The following DNER variants were observed in gnomAD, a reference collection of about 807,000 sequenced individuals.
The protein encoded by DNER is delta/notch like EGF repeat containing, also known as delta and Notch-like epidermal growth factor-related receptor.
In DNER, 33 loss-of-function variants were observed where a neutral mutation model predicts 78.2. The ratio of observed to expected loss-of-function variants is 0.42; its 90% CI spans 0.32 to 0.56. The LOEUF is 0.56. DNER is among the 20% of genes least tolerant of loss of function. The pLI is 0.11. For synonymous variants in DNER, 417 were observed against 384.8 expected (o/e 1.08, Z -0.98); for missense variants, 918 against 975.3 (o/e 0.94, Z 0.78).
chr2:229,538,890 C>T (rs1696462791), intron 5 of DNER, among the ~76,000 whole-genome samples: 1 of 152,166 alleles, frequency 6.6e-6, no homozygotes, highest in South Asian at 2.1e-4. Flanking sequence ...TGTAATAACA[C>T]TTGCCACTGG....
rs1695654707 is a variant in DNER at position 229,503,090 on chromosome 2, A to G, written c.1147+9693T>C. Among the ~76,000 whole-genome samples the G allele has an allele frequency of 2.6e-5, 4 of 152,180 alleles. 1 individual carries two copies. The South Asian group carries it at 8.3e-4, about 32-fold the overall frequency. ...CAATGGTCCTTGTACTAGGGCCACA[A>G]CTGCAAGTACTGGAAGCAGGGATGA... On this transcript the variant is annotated intron_variant, in intron 6 of 12. Coordinates refer to ENST00000341772, the MANE Select transcript of DNER (RefSeq NM_139072.4).
At chr2:229,676,258 G>T (rs573337520) in intron 1 of DNER, among the ~76,000 whole-genome samples, 1 of 152,342 alleles carries the variant, frequency 6.6e-6, no homozygotes, top group African/African-American at 2.4e-5. Context: ...TTGAGCGGCA[G>T]ATGGTGAAGA....
At chr2:229,655,360 A>G (rs1295789760) in intron 1 of DNER, among the ~76,000 whole-genome samples, 1 of 152,232 alleles carries the variant, frequency 6.6e-6, no homozygotes, top group Non-Finnish European at 1.5e-5. Flanking sequence ...ATGATAACTA[A>G]GACCAGAAAA....
At chr2:229,552,829 T>C (rs1696774582) in intron 4 of DNER, among the ~76,000 whole-genome samples, 1 of 152,164 alleles carries the variant, frequency 6.6e-6, no homozygotes, top group Admixed American at 6.5e-5. Context: ...TTGTGTGGCT[T>C]TGGAGCTTCA....
chr2:229,627,062 A>T (rs1438470993), intron 1 of DNER, among the ~76,000 whole-genome samples: 1 of 152,236 alleles, frequency 6.6e-6, no homozygotes, highest in African/African-American at 2.4e-5. Context: ...GCATGGTCCC[A>T]ATGAATTTAT....
chr2:229,614,986 A>G (rs1325754855), intron 1 of DNER, among the ~76,000 whole-genome samples: 1 of 152,252 alleles, frequency 6.6e-6, no homozygotes, highest in Non-Finnish European at 1.5e-5. Flanking sequence ...AGTAACATTT[A>G]TCACCAAAGT....
At chr2:229,671,411 T>A (rs1233771562) in intron 1 of DNER, among the ~76,000 whole-genome samples, 1 of 152,230 alleles carries the variant, frequency 6.6e-6, no homozygotes, top group African/African-American at 2.4e-5. Context: ...CTGCCTCCTA[T>A]CCAATGTAAC....
chr2:229,468,327 G>A (rs985527900), intron 7 of DNER, among the ~76,000 whole-genome samples: 1 of 152,152 alleles, frequency 6.6e-6, no homozygotes, highest in Non-Finnish European at 1.5e-5. Context: ...TTACAGTTTG[G>A]GGGGTCATGC....
At chr2:229,396,991 G>T (rs1311319353) in intron 10 of DNER, among the ~76,000 whole-genome samples, 1 of 152,082 alleles carries the variant, frequency 6.6e-6, no homozygotes, top group Non-Finnish European at 1.5e-5. Flanking sequence ...AGACTTTGGG[G>T]GTGGGTTTGC....
chr2:229,625,800 A>G (rs181727267), intron 1 of DNER, among the ~76,000 whole-genome samples: 19 of 152,262 alleles, frequency 1.2e-4, no homozygotes. Context: ...GGACAGCAAA[A>G]AGGTCCAGTT....
chr2:229,406,886 CT>C (rs1339827993), intron 10 of DNER, among the ~76,000 whole-genome samples: 3 of 152,194 alleles, frequency 2.0e-5, no homozygotes, highest in Admixed American at 1.3e-4. Flanking sequence ...AGACACACCT[CT>C]TCCTTCTTTC....
chr2:229,587,027 G>T, intron 3 of DNER: 1 of 981,422 alleles, frequency 1.0e-6, no homozygotes, highest in Non-Finnish European at 1.2e-6. Flanking sequence ...TGCTAATTCG[G>T]TCCCGTTCTG....
chr2:229,624,892 T>C (rs1361166641), intron 1 of DNER, among the ~76,000 whole-genome samples: 1 of 152,230 alleles, frequency 6.6e-6, no homozygotes, highest in Admixed American at 6.5e-5. Context: ...GTTAGCTCAA[T>C]GGACTCTGGG....
In DNER at chr2:229,483,159, C is replaced by T. The variant is rs186429536; in HGVS notation, c.1148-5906G>A. Reference sequence around the variant, plus strand: ...ATCCCACTGATATGAGAAGAATCACCCTGGATGCCCAGGACTCCTGAGACA... The same window carrying T: ...ATCCCACTGATATGAGAAGAATCACTCTGGATGCCCAGGACTCCTGAGACA... On this transcript the variant is annotated intron_variant, in intron 6 of 12. Coordinates refer to ENST00000341772, the MANE Select transcript of DNER (RefSeq NM_139072.4). Among the ~76,000 whole-genome samples, 106 of 152,184 alleles carry T rather than the reference C, an allele frequency of 7.0e-4. 1 individual carries two copies. The highest frequency in any genetic ancestry group is 5.7e-3 in the Admixed American group (87 of 15,280).
At chr2:229,658,777 C>T (rs533751500) in intron 1 of DNER, among the ~76,000 whole-genome samples, 25 of 152,144 alleles carry the variant, frequency 1.6e-4, no homozygotes, top group African/African-American at 4.1e-4. Flanking sequence ...TTCTAGATTT[C>T]GACATGATTT....
intron 6 of DNER, among the ~76,000 whole-genome samples, chr2:229,481,848 T>C (rs1281361018): frequency 1.3e-5 from 2 of 152,122 alleles, no homozygotes; most frequent in African/African-American, 2.4e-5. Context: ...CAAAAGGTAA[T>C]ACACGGTGGC....
At chr2:229,536,644 C>T (rs77942177) in intron 5 of DNER, among the ~76,000 whole-genome samples, 3,202 of 152,194 alleles carry the variant, frequency 0.021, 119 homozygotes, top group African/African-American at 0.074. Context: ...AGCTCCAAAG[C>T]GATCATTTTC....
intron 3 of DNER, chr2:229,586,545 AAAAAACACACAAAACC>A: frequency 2.1e-5 from 3 of 143,538 alleles, no homozygotes; most frequent in Non-Finnish European, 3.1e-5. Context: ...AAAAAAAAAA[AAAAAACACACAAAACC>A]ACCCCACAGA....
At chr2:229,477,004 A>C in intron 7 of DNER, 136 bp downstream of exon 7, 1 of 636,490 alleles carries the variant, frequency 1.6e-6, no homozygotes, top group Non-Finnish European at 2.6e-6. Flanking sequence ...ACTATCTTCT[A>C]TTTTTGTTTT....
Sources: allele counts gnomAD v4.1 joint callset (sites outside exome capture counted in the v4.1 genomes callset), GRCh38; gene constraint gnomAD v4.1.1; transcripts MANE v1.5; gene names NCBI Gene and HGNC (gene_info 2026-07-23, HGNC 2026-07-21).